ARFGEF3: variants seen among roughly 807,000 people sequenced by gnomAD.
ARFGEF3 encodes ARFGEF family member 3, also known as brefeldin A-inhibited guanine nucleotide-exchange protein 3.
Under a neutral mutation model 221.7 loss-of-function variants are expected in ARFGEF3, and 96 were observed. The observed-to-expected ratio is 0.43, with a 90% CI of 0.37 to 0.51. ARFGEF3 has a LOEUF of 0.51. Among genes scored for constraint, ARFGEF3 ranks in the 20% least tolerant of loss-of-function variants. The probability of loss-of-function intolerance (pLI) is 0.00; values close to 1 mark genes in which losing one functional copy is unlikely to be tolerated. For synonymous variants in ARFGEF3, 1,145 were observed against 1,126.8 expected (o/e 1.02, Z -0.32); for missense variants, 2,410 against 2,789.9 (o/e 0.86, Z 3.07).
chr6:138,333,372 T>G (rs1780259619), intron 32 of ARFGEF3, among the ~76,000 whole-genome samples: 1 of 152,232 alleles, frequency 6.6e-6, no homozygotes, highest in South Asian at 2.1e-4. Flanking sequence ...ATGTCACAGT[T>G]AACTCTCTGA....
chr6:138,319,685 C>A lies in ARFGEF3; in HGVS notation c.4475-18C>A. The A allele has an allele frequency of 6.3e-7, 1 of 1,575,480 alleles. No homozygotes were observed. Among genetic ancestry groups the A allele is most frequent in the Non-Finnish European group, 8.6e-7 (1 of 1,163,282 alleles). On this transcript the variant is annotated intron_variant, in intron 27 of 33. Coordinates refer to ENST00000251691, the MANE Select transcript of ARFGEF3 (RefSeq NM_020340.5). ...CCTTTTATTACAGGTTGTTGCTACG[C>A]TGACTTTTCTTTTTCAGGACCAGGG...
intron 2 of ARFGEF3, among the ~76,000 whole-genome samples, chr6:138,171,759 T>C (rs191995645): frequency 2.8e-4 from 42 of 152,092 alleles, no homozygotes; most frequent in African/African-American, 9.7e-4. Context: ...CTTTGTTGCC[T>C]GCTTGATTTT....
rs368329759 is a variant in ARFGEF3, at chr6:138,313,854, C to T, written c.4260C>T (p.Ala1420=). The part of the protein sequence containing the change: ...LKPIFLSGRL[A]GLPRRLQEQS... ...CAATATTCCTTAGTGGGAGACTTGC[C>T]GGCTTGCCTCGAAGACTTCAGGAAC... Residue 1420 remains alanine, a synonymous_variant, in exon 26 of 34, where the codon GCC becomes GCT. Coordinates refer to ENST00000251691, the MANE Select transcript of ARFGEF3 (RefSeq NM_020340.5). 1.2e-5 allele frequency: 19 copies of T among 1,613,710 alleles called. No homozygotes were observed. Among genetic ancestry groups the T allele is most frequent in the African/African-American group, 4.0e-5 (3 of 74,886 alleles).
chr6:138,317,297 T>C lies in ARFGEF3; in HGVS notation c.4392T>C (p.Ala1464=). 1 of 1,614,008 alleles carries C rather than the reference T, an allele frequency of 6.2e-7. No homozygotes were observed. Among genetic ancestry groups the C allele is most frequent in the Non-Finnish European group, 8.5e-7 (1 of 1,179,860 alleles). The part of the protein sequence containing the change: ...WIILLEQLTA[A]VSNCPRQHQP... ...TCCTGCTGGAGCAGCTGACAGCGGC[T>C]GTGTCCAATTGTCCACGGCAGCACC... is the stretch of plus-strand genomic sequence containing the variant. Residue 1464 remains alanine (A), a synonymous_variant, in exon 27 of 34, where the codon GCT becomes GCC. Coordinates refer to ENST00000251691, the MANE Select transcript of ARFGEF3 (RefSeq NM_020340.5).
chr6:138,301,832 A>T (rs1002624454), intron 22 of ARFGEF3, among the ~76,000 whole-genome samples: 3 of 152,216 alleles, frequency 2.0e-5, no homozygotes, highest in Admixed American at 2.0e-4. Flanking sequence ...CACCCACATG[A>T]TCAGCTGACT....
chr6:138,188,268 A>G (rs1238771545), intron 2 of ARFGEF3, among the ~76,000 whole-genome samples: 2 of 152,200 alleles, frequency 1.3e-5, no homozygotes, highest in African/African-American at 4.8e-5. Context: ...TCTGGTAGAT[A>G]TGAATGGCGA....
intron 2 of ARFGEF3, among the ~76,000 whole-genome samples, chr6:138,172,637 G>A (rs944441581): frequency 2.0e-5 from 3 of 152,132 alleles, no homozygotes; most frequent in African/African-American, 7.2e-5. Context: ...TTTTGATGAT[G>A]TCTCCTTCAT....
intron 32 of ARFGEF3, among the ~76,000 whole-genome samples, chr6:138,330,032 G>A (rs1318462297): frequency 6.6e-6 from 1 of 152,150 alleles, no homozygotes; most frequent in Non-Finnish European, 1.5e-5. Flanking sequence ...CAGTAGGGGA[G>A]CTTTTGAGCC....
At chr6:138,208,427 T>C (rs554015210) in intron 3 of ARFGEF3, among the ~76,000 whole-genome samples, 1 of 152,290 alleles carries the variant, frequency 6.6e-6, no homozygotes, top group Non-Finnish European at 1.5e-5. Flanking sequence ...TCAGGGAGTC[T>C]TAAGTAAAAA....
At chr6:138,241,659 C>T (rs1423927847) in intron 6 of ARFGEF3, among the ~76,000 whole-genome samples, 8 of 152,146 alleles carry the variant, frequency 5.3e-5, no homozygotes. Context: ...TTTCAGTTAT[C>T]AACTGGAAAG....
chr6:138,246,797 T>G (rs1290411718), intron 8 of ARFGEF3, among the ~76,000 whole-genome samples: 1 of 152,198 alleles, frequency 6.6e-6, no homozygotes, highest in Non-Finnish European at 1.5e-5. Context: ...TTATAGTTAT[T>G]AATAGTGTAT....
intron 8 of ARFGEF3, among the ~76,000 whole-genome samples, chr6:138,246,612 T>C (rs1778490795): frequency 6.6e-6 from 1 of 152,254 alleles, no homozygotes; most frequent in African/African-American, 2.4e-5. Context: ...GTCACCTCTA[T>C]ATTTTGACCA....
intron 31 of ARFGEF3, among the ~76,000 whole-genome samples, 170 bp downstream of exon 31, chr6:138,324,324 C>T (rs1305825778): frequency 6.6e-6 from 1 of 152,148 alleles, no homozygotes; most frequent in African/African-American, 2.4e-5. Flanking sequence ...TGACATGAAC[C>T]CAATCAACAG....
intron 22 of ARFGEF3, among the ~76,000 whole-genome samples, chr6:138,300,033 C>T (rs549518484): frequency 1.3e-5 from 2 of 151,688 alleles, no homozygotes; most frequent in Admixed American, 1.3e-4. Context: ...TTTCAAGGTA[C>T]GTGAGCTCTC....
intron 1 of ARFGEF3, among the ~76,000 whole-genome samples, chr6:138,165,513 G>A (rs913684966): frequency 1.3e-5 from 2 of 151,152 alleles, no homozygotes; most frequent in Admixed American, 6.6e-5. Flanking sequence ...GACCCACATG[G>A]GGGAGAGGGG....
chr6:138,320,210 C>A (rs4371857), intron 28 of ARFGEF3, among the ~76,000 whole-genome samples: 47,835 of 151,760 alleles, frequency 0.32, 7,938 homozygotes, highest in East Asian at 0.65. Flanking sequence ...AAAGAAGAAG[C>A]AGCAATATCC....
chr6:138,247,848 A>G (rs1309090922), intron 8 of ARFGEF3, among the ~76,000 whole-genome samples: 1 of 152,270 alleles, frequency 6.6e-6, no homozygotes, highest in Non-Finnish European at 1.5e-5. Flanking sequence ...GGGAATGCCC[A>G]TCAGCCAAAG....
chr6:138,259,757 C>CA (rs1400310009), intron 10 of ARFGEF3, among the ~76,000 whole-genome samples: 1 of 151,976 alleles, frequency 6.6e-6, no homozygotes, highest in Non-Finnish European at 1.5e-5. Flanking sequence ...ACTAAAAATA[C>CA]AAAAAAATTA....
intron 29 of ARFGEF3, among the ~76,000 whole-genome samples, chr6:138,322,492 G>A (rs114526057): frequency 0.011 from 1,647 of 152,210 alleles, 32 homozygotes; most frequent in African/African-American, 0.038. Context: ...TAAAGGAAAT[G>A]TGGTACATAC....
Sources: allele counts gnomAD v4.1 joint callset (sites outside exome capture counted in the v4.1 genomes callset), GRCh38; gene constraint gnomAD v4.1.1; transcripts MANE v1.5; gene names NCBI Gene and HGNC (gene_info 2026-07-23, HGNC 2026-07-21).